Variants in PTPRD observed in about 807,000 individuals in gnomAD.
The protein encoded by PTPRD is protein tyrosine phosphatase receptor type D.
A neutral mutation model predicts 214.5 loss-of-function variants in PTPRD; 34 were observed. That is an observed-to-expected ratio of 0.16 (90% CI 0.12 to 0.21). The LOEUF is 0.21. PTPRD is among the 10% of genes least tolerant of loss of function. PTPRD has a pLI of 1.00. For missense variants in PTPRD, 2,545 were observed against 2,398.7 expected (o/e 1.06, Z -1.27); for synonymous variants, 1,128 against 845.7 (o/e 1.33, Z -5.79).
chr9:9,192,892 A>G (rs992499350), intron 9 of PTPRD, among the ~76,000 whole-genome samples: 1 of 152,058 alleles, frequency 6.6e-6, no homozygotes, highest in African/African-American at 2.4e-5. Context: ...AGAAAATCGC[A>G]ATCATTTCTC....
At chr9:9,510,412 G>C (rs138508217) in intron 8 of PTPRD, among the ~76,000 whole-genome samples, 2 of 151,484 alleles carry the variant, frequency 1.3e-5, no homozygotes, top group Non-Finnish European at 3.0e-5. Context: ...AATGCATGTT[G>C]AATTAAATTG....
At chr9:9,654,191 T>C (rs186064420) in intron 7 of PTPRD, among the ~76,000 whole-genome samples, 1 of 152,158 alleles carries the variant, frequency 6.6e-6, no homozygotes. Context: ...GTAATAGCAC[T>C]GAAAGACTTT....
chr9:9,669,672 G>A lies in PTPRD; in HGVS notation c.-287+64861C>T, dbSNP rs912174836. Among the ~76,000 whole-genome samples the A allele has an allele frequency of 3.3e-5, 5 of 152,082 alleles. 1 individual carries two copies. Among genetic ancestry groups the A allele is most frequent in the Non-Finnish European group, 5.9e-5 (4 of 68,010 alleles). On this transcript the variant is annotated intron_variant, in intron 7 of 45. Transcript: ENST00000381196. ...TTGTCTTTAATGAATACATTTATGA[G>A]TCAGAAACTAAATTTTCATATAATC...
intron 8 of PTPRD, among the ~76,000 whole-genome samples, chr9:9,477,169 C>G (rs939232779): frequency 1.3e-5 from 2 of 152,204 alleles, no homozygotes; most frequent in Non-Finnish European, 2.9e-5. Flanking sequence ...ATACCCAGGA[C>G]TGTCTGACTC....
intron 12 of PTPRD, among the ~76,000 whole-genome samples, chr9:8,707,232 A>G (rs1474895694): frequency 6.6e-6 from 1 of 152,198 alleles, no homozygotes; most frequent in East Asian, 1.9e-4. Context: ...CCTTAAGCAA[A>G]CATACAAGGT....
chr9:9,275,161 A>G (rs1944895581), intron 9 of PTPRD, among the ~76,000 whole-genome samples: 1 of 51,548 alleles, frequency 1.9e-5, no homozygotes, highest in African/African-American at 1.0e-4. Flanking sequence ...TATTATATAT[A>G]TAACATATAT....
At chr9:10,265,161 C>G (rs2093970735) in intron 3 of PTPRD, among the ~76,000 whole-genome samples, 1 of 152,080 alleles carries the variant, frequency 6.6e-6, no homozygotes, top group African/African-American at 2.4e-5. Flanking sequence ...TCCCTTTAGT[C>G]AATGAGAAAA....
At chr9:8,737,219 C>T (rs973209678) in intron 11 of PTPRD, among the ~76,000 whole-genome samples, 12 of 152,128 alleles carry the variant, frequency 7.9e-5, no homozygotes, top group South Asian at 2.1e-4. Flanking sequence ...ACTCTAGAAA[C>T]GAATGCAGGT....
intron 34 of PTPRD, chr9:8,437,313 G>C (rs2095392724): frequency 5.0e-6 from 6 of 1,207,704 alleles, no homozygotes; most frequent in South Asian, 4.5e-5. Context: ...TGGAAAGCCT[G>C]ATATATTTTT....
chr9:10,248,533 A>AAAAAC (rs60272481), intron 3 of PTPRD, among the ~76,000 whole-genome samples: 4,179 of 127,002 alleles, frequency 0.033, 242 homozygotes, highest in African/African-American at 0.051. Context: ...AAAATAAAAA[A>AAAAAC]AATAAAGCGA....
rs957675840 is a variant in PTPRD at position 10,229,451 on chromosome 9, C to A, written c.-545+111512G>T. ...ACAATAGCAAAGACTTGGAACCAAC[C>A]CAAATGTCCAACAGTGATAGACTGG... On this transcript the variant is annotated intron_variant, in intron 3 of 45. Coordinates refer to ENST00000381196, the MANE Select transcript of PTPRD (RefSeq NM_002839.4). 2.6e-5 allele frequency among the ~76,000 whole-genome samples: 4 copies of A among 152,106 alleles called. 1 individual carries two copies. The Middle Eastern group carries it at 0.01, about 388-fold the overall frequency.
chr9:9,839,749 G>A (rs199570530), intron 5 of PTPRD, among the ~76,000 whole-genome samples: 1 of 152,058 alleles, frequency 6.6e-6, no homozygotes, highest in African/African-American at 2.4e-5. Flanking sequence ...CGCCAAGTCA[G>A]TCCTAAGCTA....
At chr9:10,248,231 G>C (rs1241975901) in intron 3 of PTPRD, among the ~76,000 whole-genome samples, 2 of 152,096 alleles carry the variant, frequency 1.3e-5, no homozygotes, top group African/African-American at 4.8e-5. Flanking sequence ...AAGGGTTAAA[G>C]TGTCAAGAGG....
intron 10 of PTPRD, among the ~76,000 whole-genome samples, chr9:9,051,667 G>A (rs904939557): frequency 6.6e-6 from 1 of 152,160 alleles, no homozygotes; most frequent in Non-Finnish European, 1.5e-5. Context: ...TTAATGTTAG[G>A]TTGTGACATG....
At chr9:8,374,468 G>A (rs570949835) in intron 39 of PTPRD, among the ~76,000 whole-genome samples, 1 of 152,076 alleles carries the variant, frequency 6.6e-6, no homozygotes, top group African/African-American at 2.4e-5. Context: ...AATTTTTAAT[G>A]TTTTACAATC....
intron 5 of PTPRD, among the ~76,000 whole-genome samples, chr9:9,834,083 T>C (rs1279049756): frequency 6.6e-6 from 1 of 152,040 alleles, no homozygotes; most frequent in African/African-American, 2.4e-5. Context: ...ATCTTTACAA[T>C]TTATGTTTAG....
chr9:8,777,430 T>C (rs917583737), intron 11 of PTPRD, among the ~76,000 whole-genome samples: 2 of 152,234 alleles, frequency 1.3e-5, no homozygotes, highest in Admixed American at 1.3e-4. Context: ...AAGACATTTT[T>C]ACGTAATTTT....
At chr9:9,574,103 A>G (rs886592373) in intron 8 of PTPRD, among the ~76,000 whole-genome samples, 2 of 151,928 alleles carry the variant, frequency 1.3e-5, no homozygotes, top group Non-Finnish European at 2.9e-5. Flanking sequence ...TAATTTCATC[A>G]GTTTCAAAAC....
intron 2 of PTPRD, among the ~76,000 whole-genome samples, chr9:10,596,174 G>C (rs2076580254): frequency 6.6e-6 from 1 of 151,730 alleles, no homozygotes; most frequent in Admixed American, 6.6e-5. Flanking sequence ...TCTAGTAACT[G>C]TCTCACGTTC....
Sources: gnomAD v4.1 joint callset for allele counts (sites outside exome capture counted in the v4.1 genomes callset) on GRCh38, gnomAD v4.1.1 for gene constraint, MANE v1.5 for transcripts, NCBI Gene and HGNC (gene_info 2026-07-23, HGNC 2026-07-21) for gene names.